The following MAML3 variants were observed in gnomAD, a reference collection of about 807,000 sequenced individuals.
The protein encoded by MAML3 is mastermind-like protein 3.
Under a neutral mutation model 101.9 loss-of-function variants are expected in MAML3, and 27 were observed. The observed-to-expected ratio is 0.27, with a 90% CI of 0.20 to 0.37. The LOEUF is 0.37. Ranked by LOEUF, MAML3 falls within the 10% of genes least tolerant of loss-of-function variation. The pLI is 1.00. For missense variants in MAML3, 1,316 were observed against 1,444.9 expected, an observed-to-expected ratio of 0.91 and a Z score of 1.45; for synonymous variants, 501 against 555.9, an observed-to-expected ratio of 0.90 and a Z score of 1.39.
At chr4:140,004,962 A>G (rs1726422258) in intron 1 of MAML3, among the ~76,000 whole-genome samples, 1 of 152,224 alleles carries the variant, frequency 6.6e-6, no homozygotes, top group Non-Finnish European at 1.5e-5. Context: ...GAGTTTAGAA[A>G]TTCTTGTGAA....
chr4:139,956,567 G>A (rs1055911930), intron 1 of MAML3, among the ~76,000 whole-genome samples: 6 of 152,222 alleles, frequency 3.9e-5, no homozygotes, highest in Non-Finnish European at 8.8e-5. Context: ...CCGAATGAAA[G>A]GTTTGGCACA....
chr4:139,744,833 A>G (rs573162729), intron 2 of MAML3, among the ~76,000 whole-genome samples: 288 of 152,208 alleles, frequency 1.9e-3, no homozygotes, highest in African/African-American at 6.6e-3. Context: ...TTTCCATTCG[A>G]TTTCCATAGA....
At chr4:139,883,939 G>A (rs529869544) in intron 2 of MAML3, among the ~76,000 whole-genome samples, 69 of 141,384 alleles carry the variant, frequency 4.9e-4, no homozygotes, top group Non-Finnish European at 6.5e-4. Flanking sequence ...GCCCAGGCTG[G>A]AGTGCAATGG....
chr4:140,046,066 T>C (rs1006893843), intron 1 of MAML3, among the ~76,000 whole-genome samples: 1 of 152,230 alleles, frequency 6.6e-6, no homozygotes, highest in East Asian at 1.9e-4. Context: ...ACATGGGAGT[T>C]ATTTATGCTA....
intron 1 of MAML3, among the ~76,000 whole-genome samples, chr4:140,067,000 C>A (rs1331534533): frequency 6.6e-6 from 1 of 152,218 alleles, no homozygotes; most frequent in Non-Finnish European, 1.5e-5. Flanking sequence ...TTAGGGCCAG[C>A]ATGACTTCTA....
intron 2 of MAML3, among the ~76,000 whole-genome samples, chr4:139,834,945 G>A (rs557609475): frequency 1.3e-5 from 2 of 152,288 alleles, no homozygotes; most frequent in African/African-American, 4.8e-5. Flanking sequence ...ACTGCAAAGG[G>A]AAAAGTAATC....
At chr4:140,132,354 A>T (rs562859508) in intron 1 of MAML3, among the ~76,000 whole-genome samples, 6 of 152,228 alleles carry the variant, frequency 3.9e-5, no homozygotes, top group Non-Finnish European at 7.3e-5. Context: ...TTACTTTCCA[A>T]TATAACTGGT....
chr4:139,752,880 T>G (rs1432667717), intron 2 of MAML3, among the ~76,000 whole-genome samples: 2 of 152,196 alleles, frequency 1.3e-5, no homozygotes, highest in South Asian at 4.1e-4. Flanking sequence ...AGCTACTTCC[T>G]TGTGGTGACA....
At chr4:139,772,046 T>C (rs190819956) in intron 2 of MAML3, among the ~76,000 whole-genome samples, 2,980 of 150,718 alleles carry the variant, frequency 0.02, 71 homozygotes, top group Non-Finnish European at 0.023. Context: ...CAGACCATCC[T>C]GGCTAACACG....
intron 2 of MAML3, among the ~76,000 whole-genome samples, chr4:139,751,599 G>A (rs1468220918): frequency 6.6e-6 from 1 of 152,144 alleles, no homozygotes; most frequent in African/African-American, 2.4e-5. Context: ...CAGCTTTTCC[G>A]ATTAGGGATG....
chr4:139,969,293 T>TA (rs1734194130), intron 1 of MAML3, among the ~76,000 whole-genome samples: 1 of 151,706 alleles, frequency 6.6e-6, no homozygotes, highest in Admixed American at 6.6e-5. Context: ...GGTAGGTAGA[T>TA]AGAGAGGCAG....
chr4:139,837,468 A>G (rs924055841), intron 2 of MAML3, among the ~76,000 whole-genome samples: 2 of 152,088 alleles, frequency 1.3e-5, no homozygotes, highest in Non-Finnish European at 2.9e-5. Context: ...ACTGCACTCT[A>G]GCCTGGGTGA....
intron 2 of MAML3, among the ~76,000 whole-genome samples, chr4:139,839,362 G>C (rs997360654): frequency 6.6e-6 from 1 of 152,096 alleles, no homozygotes; most frequent in African/African-American, 2.4e-5. Context: ...CCAGAATGGG[G>C]GGCTAAGGAT....
intron 1 of MAML3, among the ~76,000 whole-genome samples, chr4:140,074,211 A>AAG (rs1560885520): frequency 3.0e-5 from 4 of 133,450 alleles, no homozygotes; most frequent in African/African-American, 1.1e-4. Flanking sequence ...GAAAGAAAGA[A>AAG]AGAAAGAAAG....
chr4:139,899,647 G>C (rs913621931), intron 1 of MAML3, among the ~76,000 whole-genome samples: 1 of 152,094 alleles, frequency 6.6e-6, no homozygotes, highest in African/African-American at 2.4e-5. Context: ...TATGTGCAGG[G>C]CAGACTAACA....
intron 1 of MAML3, among the ~76,000 whole-genome samples, chr4:139,901,781 A>G (rs774476123): frequency 2.0e-5 from 3 of 152,222 alleles, no homozygotes; most frequent in Non-Finnish European, 4.4e-5. Context: ...GGAGGCGGGA[A>G]GGAGCAATAT....
intron 1 of MAML3, among the ~76,000 whole-genome samples, chr4:140,006,374 T>G (rs572140886): frequency 6.6e-6 from 1 of 151,918 alleles, no homozygotes; most frequent in Non-Finnish European, 1.5e-5. Context: ...TCACTTGAGG[T>G]TAGGAGTTTG....
At chr4:139,985,940 T>C (rs940936295) in intron 1 of MAML3, among the ~76,000 whole-genome samples, 2 of 152,266 alleles carry the variant, frequency 1.3e-5, no homozygotes, top group Non-Finnish European at 2.9e-5. Flanking sequence ...ATCTCTTTGC[T>C]GTCTCTGAGG....
chr4:140,027,098 G>A (rs962056896), intron 1 of MAML3, among the ~76,000 whole-genome samples: 1 of 151,980 alleles, frequency 6.6e-6, no homozygotes, highest in Admixed American at 6.5e-5. Context: ...TGAGCAGTGA[G>A]TTTGCACTGG....
Sources: gnomAD v4.1 joint callset for allele counts (sites outside exome capture counted in the v4.1 genomes callset) on GRCh38, gnomAD v4.1.1 for gene constraint, MANE v1.5 for transcripts, NCBI Gene and HGNC (gene_info 2026-07-23, HGNC 2026-07-21) for gene names.